ATP6V1B1: variants seen among roughly 807,000 people sequenced by gnomAD.
ATP6V1B1 encodes the protein V-type proton ATPase subunit B, kidney isoform.
Under a neutral mutation model 62.1 loss-of-function variants are expected in ATP6V1B1, and 41 were observed. The observed-to-expected ratio is 0.66, with a 90% CI of 0.51 to 0.86. ATP6V1B1 has a LOEUF of 0.86. Ranked by LOEUF, ATP6V1B1 falls within the 40% of genes least tolerant of loss-of-function variation. The pLI, the probability that ATP6V1B1 is intolerant of heterozygous loss-of-function variation, is 0.00. For synonymous variants in ATP6V1B1, 253 were observed against 273.4 expected (o/e 0.93, Z 0.74); for missense variants, 651 against 697.5 (o/e 0.93, Z 0.75).
chr2:70,945,365 G>A (rs1205206621), intron 2 of ATP6V1B1, among the ~76,000 whole-genome samples: 10 of 152,048 alleles, frequency 6.6e-5, no homozygotes, highest in African/African-American at 1.7e-4. Flanking sequence ...TTGCGTAAAC[G>A]TTAATGAATG....
At chr2:70,951,805 A>T (rs1376590999) in intron 2 of ATP6V1B1, among the ~76,000 whole-genome samples, 1 of 152,080 alleles carries the variant, frequency 6.6e-6, no homozygotes, top group Non-Finnish European at 1.5e-5. Flanking sequence ...AGGCTGAGGT[A>T]GGAGAATCGC....
At chr2:70,941,390 G>A in intron 1 of ATP6V1B1, 3 of 985,576 alleles carry the variant, frequency 3.0e-6, no homozygotes, top group Non-Finnish European at 2.4e-6. Flanking sequence ...GAAGGCCCTG[G>A]ATGAGTCCTT....
chr2:70,940,638 T>C (rs1446900043), intron 1 of ATP6V1B1: 1 of 985,106 alleles, frequency 1.0e-6, no homozygotes, highest in Non-Finnish European at 1.2e-6. Context: ...CGTTGAGGAG[T>C]CTTCCTATGC....
Position 70,944,703 on chromosome 2 carries a change from C to G in ATP6V1B1, c.174+990C>G, listed in dbSNP as rs1680107092. 2.1e-5 allele frequency among the ~76,000 whole-genome samples: 3 copies of G among 145,422 alleles called. No individual in the cohort carries two copies. In the South Asian group the frequency reaches 6.6e-4, roughly 32 times the overall value. On this transcript the variant is annotated intron_variant, in intron 2 of 13. Coordinates refer to ENST00000234396, the MANE Select transcript of ATP6V1B1 (RefSeq NM_001692.4). ...TTTTTTTTTGAGACGGAGTCTCACTCTGTCCCCCAGGCTGGAGTGCAGTGG... is the reference window on the plus strand; with the variant it reads ...TTTTTTTTTGAGACGGAGTCTCACTGTGTCCCCCAGGCTGGAGTGCAGTGG...
At chr2:70,956,035 G>A (rs1553419002) in intron 2 of ATP6V1B1, 14 of 203,824 alleles carry the variant, frequency 6.9e-5, no homozygotes. Context: ...TAGCACATGT[G>A]AAGGAATCTC....
At chr2:70,957,504 C>T (rs567743910) in intron 2 of ATP6V1B1, among the ~76,000 whole-genome samples, 38 of 152,238 alleles carry the variant, frequency 2.5e-4, no homozygotes, top group African/African-American at 7.7e-4. Flanking sequence ...TATCGAAGGA[C>T]GCCTGAGCAG....
intron 2 of ATP6V1B1, among the ~76,000 whole-genome samples, chr2:70,946,736 CCTCTCCACCTCCACCACA>C (rs1207405096): frequency 2.6e-5 from 4 of 152,166 alleles, no homozygotes; most frequent in Non-Finnish European, 5.9e-5. Flanking sequence ...CCTCCTGCCC[CCTCTCCACCTCCACCACA>C]CTCTCCACCA....
chr2:70,937,954 G>C (rs939792512), intron 1 of ATP6V1B1, among the ~76,000 whole-genome samples: 1 of 152,076 alleles, frequency 6.6e-6, no homozygotes, highest in Admixed American at 6.5e-5. Context: ...TGCTTCCCTC[G>C]ATGCTGGCTC....
At chr2:70,942,139 G>C (rs1553416507) in intron 1 of ATP6V1B1, 2 of 745,930 alleles carry the variant, frequency 2.7e-6, no homozygotes, top group African/African-American at 1.8e-5. Flanking sequence ...TCATCTCTAG[G>C]GCCTGTTTCC....
chr2:70,955,194 G>C lies in ATP6V1B1; in HGVS notation c.175-2852G>C, dbSNP rs115717932. On this transcript the variant is annotated intron_variant, in intron 2 of 13. Coordinates refer to ENST00000234396, the MANE Select transcript of ATP6V1B1 (RefSeq NM_001692.4). ...GGTTTGGTTTGGTTTTCTGAGATAG[G>C]GTTTCACTCTGTCACCCAGGCTGAC... Among the ~76,000 whole-genome samples the C allele has an allele frequency of 8.5e-3, 1,292 of 152,186 alleles. 24 individuals are homozygous for C. Among genetic ancestry groups the C allele is most frequent in the African/African-American group, 0.029 (1,211 of 41,506 alleles).
At chr2:70,961,466 C>T in intron 7 of ATP6V1B1, 130 bp from the exon 8 acceptor site, 1 of 953,932 alleles carries the variant, frequency 1.0e-6, no homozygotes, top group Non-Finnish European at 1.7e-6. Context: ...ACCCCATGGC[C>T]TTGGTGTCTT....
intron 6 of ATP6V1B1, 36 bp from the exon 7 acceptor site, chr2:70,960,885 C>G: frequency 1.3e-6 from 2 of 1,571,022 alleles, no homozygotes; most frequent in Non-Finnish European, 1.7e-6. Flanking sequence ...TCAGCTCCGA[C>G]TCTGACGTCC....
chr2:70,943,291 C>T, intron 1 of ATP6V1B1: 1 of 455,742 alleles, frequency 2.2e-6, no homozygotes, highest in Non-Finnish European at 4.1e-6. Context: ...AGCCGGGGGC[C>T]AGGAGCTTTT....
intron 1 of ATP6V1B1, among the ~76,000 whole-genome samples, chr2:70,936,465 A>C (rs1354905705): frequency 6.6e-6 from 1 of 152,046 alleles, no homozygotes; most frequent in Non-Finnish European, 1.5e-5. Flanking sequence ...GCGGGGTGTG[A>C]TTAAGTGTAC....
intron 2 of ATP6V1B1, among the ~76,000 whole-genome samples, chr2:70,945,701 G>GAGAGATATATATAT (rs1553417203): frequency 1.2e-4 from 10 of 83,012 alleles, no homozygotes; most frequent in African/African-American, 4.8e-4. Context: ...TATTTGAAGA[G>GAGAGATATATATAT]ATATATATAT....
In ATP6V1B1 at chr2:70,944,581, C is replaced by A. The variant is rs144981685; in HGVS notation, c.174+868C>A. Among the ~76,000 whole-genome samples, 725 of 152,242 alleles carry A rather than the reference C, an allele frequency of 4.8e-3. 5 individuals carry two copies. Among genetic ancestry groups the A allele is most frequent in the African/African-American group, 0.016 (684 of 41,536 alleles). Reference sequence around the variant, plus strand: ...GGCTCCCAGCCTGGCACCCTCCTATCCTGTCTCCATCCTCCAGCCCTTCAG... The same window carrying A: ...GGCTCCCAGCCTGGCACCCTCCTATACTGTCTCCATCCTCCAGCCCTTCAG... On this transcript the variant is annotated intron_variant, in intron 2 of 13. Transcript: ENST00000234396.
rs782745166 is a variant in ATP6V1B1 at position 70,959,843 on chromosome 2, G to A, written c.446-96G>A. The A allele has an allele frequency of 9.0e-5, 143 of 1,597,546 alleles. No homozygotes were observed. Among genetic ancestry groups the A allele is most frequent in the Non-Finnish European group, 1.1e-4 (130 of 1,168,476 alleles). On this transcript the variant is annotated intron_variant, in intron 5 of 13. Transcript: ENST00000234396. The surrounding 1 kb of genome is among the most constrained non-coding windows in gnomAD (Gnocchi z 4.2). ...CGTTTCTATCATCACAGAAAGTTCC[G>A]TCAAACAGGGCGGCTCTGGAGTCTG...
intron 13 of ATP6V1B1, 34 bp from the exon 14 acceptor site, chr2:70,964,924 A>T (rs1553420791): frequency 6.2e-7 from 1 of 1,613,832 alleles, no homozygotes; most frequent in Admixed American, 1.7e-5. Flanking sequence ...CGCCCCACAC[A>T]CATTCCTAAC....
At chr2:70,960,752 C>G (rs1187617382) in intron 6 of ATP6V1B1, among the ~76,000 whole-genome samples, 169 bp from the exon 7 acceptor site, 1 of 150,698 alleles carries the variant, frequency 6.6e-6, no homozygotes, top group Non-Finnish European at 1.5e-5. Context: ...CCACTAGCAG[C>G]CCACAATAAC....
Sources: allele counts gnomAD v4.1 joint callset (sites outside exome capture counted in the v4.1 genomes callset), GRCh38; gene constraint gnomAD v4.1.1; non-coding constraint Gnocchi (gnomAD v3.1); transcripts MANE v1.5; gene names NCBI Gene and HGNC (gene_info 2026-07-23, HGNC 2026-07-21).